SDK1: variants seen among roughly 807,000 people sequenced by gnomAD.
SDK1 encodes protein sidekick-1.
A neutral mutation model predicts 245.5 loss-of-function variants in SDK1; 157 were observed. The observed-to-expected ratio is 0.64, with a 90% CI of 0.56 to 0.73. The LOEUF (loss-of-function observed/expected upper bound fraction) is 0.73, where lower values mean the gene tolerates loss of function less well. Ranked by LOEUF, SDK1 falls within the 30% of genes least tolerant of loss-of-function variation. The pLI, the probability that SDK1 is intolerant of heterozygous loss-of-function variation, is 0.00. For missense variants in SDK1, 3,583 were observed against 3,002.3 expected (o/e 1.19, Z -4.52); for synonymous variants, 1,647 against 1,278.5 (o/e 1.29, Z -6.15).
In SDK1 at chr7:3,382,101, CATTTT is replaced by C. The variant is rs1223332612; in HGVS notation, c.298+80223_298+80227del. Among the ~76,000 whole-genome samples, 9 of 152,134 alleles carry C rather than the reference CATTTT, an allele frequency of 5.9e-5. No homozygotes were observed. The East Asian group carries it at 1.7e-3, about 29-fold the overall frequency. On this transcript the variant is annotated intron_variant, in intron 1 of 44. Coordinates refer to ENST00000404826, the MANE Select transcript of SDK1 (RefSeq NM_152744.4). ...TGCAGTAGGCGTTACTAGTTGTCCT[CATTTT>C]ATTTTTATTTTTTATTTTTTTTCAA...
chr7:3,762,620 C>T (rs140064407), intron 4 of SDK1, among the ~76,000 whole-genome samples: 12 of 152,206 alleles, frequency 7.9e-5, no homozygotes, highest in Non-Finnish European at 1.2e-4. Flanking sequence ...GGTGTTTGAG[C>T]GGCCAGTGCA....
Position 3,457,341 on chromosome 7 carries a change from C to G in SDK1, c.298+155457C>G, listed in dbSNP as rs148252963. Among the ~76,000 whole-genome samples the G allele has an allele frequency of 7.9e-5, 12 of 152,296 alleles. No individual in the cohort carries two copies. In the East Asian group the frequency reaches 2.3e-3, roughly 29 times the overall value. ...AGTTAGTTTGCCTCTTTCCACCTTT[C>G]TTCTTGCAGGAAGAAAATTTAACTT... On this transcript the variant is annotated intron_variant, in intron 1 of 44. Coordinates refer to ENST00000404826, the MANE Select transcript of SDK1 (RefSeq NM_152744.4).
chr7:3,880,476 G>A (rs1450341380), intron 5 of SDK1, among the ~76,000 whole-genome samples: 1 of 151,882 alleles, frequency 6.6e-6, no homozygotes, highest in Admixed American at 6.5e-5. Context: ...TCTCTGGAGG[G>A]CTGCCAAGAT....
intron 44 of SDK1, among the ~76,000 whole-genome samples, chr7:4,256,306 A>G (rs1459654937): frequency 6.6e-6 from 1 of 152,238 alleles, no homozygotes; most frequent in Non-Finnish European, 1.5e-5. Flanking sequence ...TGACCTCCTC[A>G]CATTGCCATT....
At chr7:3,569,037 A>G (rs1222586630) in intron 1 of SDK1, among the ~76,000 whole-genome samples, 1 of 147,204 alleles carries the variant, frequency 6.8e-6, no homozygotes, top group Non-Finnish European at 1.5e-5. Context: ...ACTCATTACC[A>G]TGAGTGGTTC....
chr7:4,268,060 A>G lies in SDK1; in HGVS notation c.*2676A>G, dbSNP rs1788576952. On this transcript the variant is annotated 3_prime_UTR_variant, in exon 45 of 45. Coordinates refer to ENST00000404826, the MANE Select transcript of SDK1 (RefSeq NM_152744.4). ...GGATTTTAATCTCGGTTTTAAAAAGAGGACAAACAAAATGTCTCTAAGCCA... is the reference window on the plus strand; with the variant it reads ...GGATTTTAATCTCGGTTTTAAAAAGGGGACAAACAAAATGTCTCTAAGCCA... 1 of 985,348 alleles carries G rather than the reference A, an allele frequency of 1.0e-6. No homozygotes were observed. Among genetic ancestry groups the G allele is most frequent in the South Asian group, 4.7e-5 (1 of 21,280 alleles). 61.0% of individuals were successfully genotyped at this position (985,348 alleles called of 1,614,324 possible).
chr7:4,002,519 C>T (rs900958935), intron 14 of SDK1, among the ~76,000 whole-genome samples: 1 of 151,812 alleles, frequency 6.6e-6, no homozygotes, highest in African/African-American at 2.4e-5. Context: ...AAGCATTGAA[C>T]AACAATGAGA....
intron 5 of SDK1, among the ~76,000 whole-genome samples, chr7:3,834,438 G>A (rs1381937372): frequency 6.6e-6 from 1 of 152,208 alleles, no homozygotes; most frequent in Admixed American, 6.5e-5. Context: ...CCGAAGCACA[G>A]GCAAGGGAAC....
intron 7 of SDK1, among the ~76,000 whole-genome samples, chr7:3,955,224 C>T (rs1781164323): frequency 6.6e-6 from 1 of 152,182 alleles, no homozygotes; most frequent in Non-Finnish European, 1.5e-5. Flanking sequence ...GAATTCAGTG[C>T]TTGTGGCTTG....
chr7:3,579,256 A>T (rs1780405613), intron 1 of SDK1, among the ~76,000 whole-genome samples: 1 of 149,770 alleles, frequency 6.7e-6, no homozygotes, highest in South Asian at 2.1e-4. Context: ...AATATCCTTG[A>T]TGAACGTTGA....
At chr7:3,400,748 A>G (rs1240903439) in intron 1 of SDK1, among the ~76,000 whole-genome samples, 4 of 152,152 alleles carry the variant, frequency 2.6e-5, no homozygotes, top group African/African-American at 9.7e-5. Context: ...GGCGTAATTA[A>G]AAATATATAC....
At chr7:3,475,745 G>T (rs1183708511) in intron 1 of SDK1, among the ~76,000 whole-genome samples, 1 of 152,030 alleles carries the variant, frequency 6.6e-6, no homozygotes, top group African/African-American at 2.4e-5. Flanking sequence ...TGACTCAAAA[G>T]AATGAAGTAT....
chr7:3,348,827 A>C (rs1017507876), intron 1 of SDK1, among the ~76,000 whole-genome samples: 19 of 152,258 alleles, frequency 1.2e-4, no homozygotes, highest in Admixed American at 3.3e-4. Flanking sequence ...GGCAGCAAAC[A>C]GTGAATAGAG....
chr7:3,965,018 C>G (rs1781986208), intron 9 of SDK1, among the ~76,000 whole-genome samples: 1 of 152,166 alleles, frequency 6.6e-6, no homozygotes, highest in South Asian at 2.1e-4. Flanking sequence ...ATCTTGCAAT[C>G]GTGAGCTGGG....
intron 40 of SDK1, among the ~76,000 whole-genome samples, chr7:4,232,533 G>C (rs1785862792): frequency 6.6e-6 from 1 of 151,236 alleles, no homozygotes; most frequent in South Asian, 2.1e-4. Flanking sequence ...TCTCAGCTCA[G>C]CTCACTGCAA....
At chr7:3,609,247 A>G (rs7798169) in intron 1 of SDK1, among the ~76,000 whole-genome samples, 4,710 of 152,230 alleles carry the variant, frequency 0.031, 216 homozygotes, top group African/African-American at 0.1. Context: ...ATTTTTTTGT[A>G]TGTTGCAAAG....
intron 1 of SDK1, among the ~76,000 whole-genome samples, chr7:3,307,788 G>A (rs972727955): frequency 2.0e-5 from 3 of 152,194 alleles, no homozygotes; most frequent in African/African-American, 7.2e-5. Flanking sequence ...ATATGAGGAA[G>A]TCTATTAGTC....
intron 5 of SDK1, among the ~76,000 whole-genome samples, chr7:3,929,081 A>G (rs1169315340): frequency 6.6e-6 from 1 of 152,226 alleles, no homozygotes; most frequent in East Asian, 1.9e-4. Flanking sequence ...GATGGAGAGG[A>G]ATGCCCCTCG....
At position 3,431,877 on chromosome 7, in the gene SDK1, A is replaced by C. The variant is rs12114017; in HGVS notation, c.298+129993A>C. 9.1e-3 allele frequency among the ~76,000 whole-genome samples: 1,382 copies of C among 151,976 alleles called. 27 individuals carry two copies. The highest frequency in any genetic ancestry group is 0.031 in the African/African-American group (1,303 of 41,488). On this transcript the variant is annotated intron_variant, in intron 1 of 44. Transcript: ENST00000404826. Reference sequence around the variant, plus strand: ...TAAATCAGGAGTGATTTTTTTTTTAAATGGCTGAAGCCTGCGGTTTATAAA... The same window carrying C: ...TAAATCAGGAGTGATTTTTTTTTTACATGGCTGAAGCCTGCGGTTTATAAA...
Sources: allele counts gnomAD v4.1 joint callset (sites outside exome capture counted in the v4.1 genomes callset), GRCh38; gene constraint gnomAD v4.1.1; transcripts MANE v1.5; gene names NCBI Gene and HGNC (gene_info 2026-07-23, HGNC 2026-07-21).